The following NUP58 variants were observed in gnomAD, a reference collection of about 807,000 sequenced individuals.
The protein encoded by NUP58 is nucleoporin p58/p45.
Under a neutral mutation model 70.1 loss-of-function variants are expected in NUP58, and 17 were observed. The ratio of observed to expected loss-of-function variants is 0.24; its 90% confidence interval spans 0.17 to 0.36. NUP58 has a LOEUF of 0.36. NUP58 is among the 10% of genes least tolerant of loss of function. The pLI, the probability that NUP58 is intolerant of heterozygous loss-of-function variation, is 1.00. For missense variants in NUP58, 644 were observed against 701.5 expected (o/e 0.92, Z 0.93); for synonymous variants, 275 against 257.6 (o/e 1.07, Z -0.65).
chr13:25,330,857 T>C (rs2031577065), intron 12 of NUP58, among the ~76,000 whole-genome samples: 1 of 152,140 alleles, frequency 6.6e-6, no homozygotes, highest in African/African-American at 2.4e-5. Context: ...AACACCTTAT[T>C]TTAGCATGTG....
At chr13:25,307,750 A>G in intron 1 of NUP58, 56 bp from the exon 2 acceptor site, 1 of 1,568,312 alleles carries the variant, frequency 6.4e-7, no homozygotes. Context: ...TATTGGCTCT[A>G]GTAGACCTCC....
Position 25,305,143 on chromosome 13 carries a change from T to TTGTTTG in NUP58, c.108-2662_108-2661insGTTTGT, listed in dbSNP as rs1555253615. ...AAGATCTGTGGGGTTTTTTTTTTTT[T>TTGTTTG]TTTTTTTTTTTTTTTTTTGAGACAG... On this transcript the variant is annotated intron_variant, in intron 1 of 15. Transcript: ENST00000381736. Among the ~76,000 whole-genome samples, 71 of 10,302 alleles carry TTGTTTG rather than the reference T, an allele frequency of 6.9e-3. 2 individuals carry two copies. Among genetic ancestry groups the TTGTTTG allele is most frequent in the Non-Finnish European group, 0.029 (53 of 1,826 alleles). 6.8% of individuals were successfully genotyped at this position (10,302 alleles called of 152,430 possible).
At position 25,320,091 on chromosome 13, in the gene NUP58, C is replaced by G. The variant is rs146186239; in HGVS notation, c.711-439C>G. On this transcript the variant is annotated intron_variant, in intron 7 of 15. Coordinates refer to ENST00000381736, the MANE Select transcript of NUP58 (RefSeq NM_014089.4). The stretch of plus-strand genomic sequence containing the variant: ...TGAAGAACTAACTGAAGTTATTTTT[C>G]AAAAGTATTTTGAGCATCTCGTTGT... Among the ~76,000 whole-genome samples the G allele has an allele frequency of 3.6e-3, 546 of 152,070 alleles. 5 individuals carry two copies. Among genetic ancestry groups the G allele is most frequent in the Admixed American group, 0.011 (162 of 15,280 alleles).
intron 1 of NUP58, among the ~76,000 whole-genome samples, chr13:25,302,183 C>T (rs1056038934): frequency 2.6e-5 from 4 of 152,232 alleles, no homozygotes; most frequent in African/African-American, 7.2e-5. Flanking sequence ...TTGGGGTCTA[C>T]CCCGGAGCTT....
Position 25,307,896 on chromosome 13 carries a change from G to C in NUP58, c.198G>C (p.Gly66=), listed in dbSNP as rs750389703. ...CTCCTTCAAGTGGTTTTGGAACCGG[G>C]CTCTTTGGATCTAAACCTGCCACTG... ...TSAPSSGFGT[G]LFGSKPATGF... Residue 66 remains glycine (G), a synonymous_variant, in exon 2 of 16, where the codon GGG becomes GGC. Transcript: ENST00000381736. 4.4e-5 allele frequency: 71 copies of C among 1,614,096 alleles called. 1 individual carries two copies. In the South Asian group the frequency reaches 7.4e-4, roughly 17 times the overall value.
At chr13:25,345,567 C>G (rs1237036411), downstream of NUP58, among the ~76,000 whole-genome samples, 1 of 97,998 alleles carries the variant, frequency 1.0e-5, no homozygotes, top group Non-Finnish European at 2.1e-5. Context: ...ATCCCAGCAA[C>G]TGGATGATGG....
intron 13 of NUP58, chr13:25,333,526 A>G: frequency 3.0e-6 from 3 of 985,284 alleles, no homozygotes; most frequent in Non-Finnish European, 3.6e-6. Flanking sequence ...TTCGCTTTGA[A>G]TTGTATGAAT....
chr13:25,302,407 A>G (rs1439785821), intron 1 of NUP58, among the ~76,000 whole-genome samples: 1 of 152,202 alleles, frequency 6.6e-6, no homozygotes, highest in Non-Finnish European at 1.5e-5. Context: ...AAAAACAAAA[A>G]CACTTTTTTA....
At chr13:25,308,492 T>G (rs9553579) in intron 2 of NUP58, among the ~76,000 whole-genome samples, 3,967 of 151,252 alleles carry the variant, frequency 0.026, 120 homozygotes, top group East Asian at 0.17. Flanking sequence ...TTTTTTTACT[T>G]TTTTACTTTT....
chr13:25,343,417 G>A (rs1358035330), downstream of NUP58, among the ~76,000 whole-genome samples: 1 of 151,160 alleles, frequency 6.6e-6, no homozygotes, highest in Non-Finnish European at 1.5e-5. Context: ...TCTTCTCAGA[G>A]TAATAGTCTC....
chr13:25,341,691 C>T lies in NUP58; in HGVS notation c.*1557C>T, dbSNP rs1177643954. 6.6e-6 allele frequency: 1 copy of T among 152,546 alleles called. No individual in the cohort carries two copies. Among genetic ancestry groups the T allele is most frequent in the East Asian group, 1.9e-4 (1 of 5,198 alleles). 9.4% of individuals were successfully genotyped at this position (152,546 alleles called of 1,614,324 possible). ...GACATCAGGTGGATATAAAAGAAAA[C>T]CCTTGGAAAGAGAACTGCCTTAGCC... On this transcript the variant is annotated 3_prime_UTR_variant, in exon 16 of 16. Transcript: ENST00000381736.
chr13:25,306,670 A>G (rs2030378965), intron 1 of NUP58, among the ~76,000 whole-genome samples: 3 of 152,230 alleles, frequency 2.0e-5, no homozygotes, highest in African/African-American at 7.2e-5. Flanking sequence ...ATTATGCTGT[A>G]TAGTCTCCCT....
At chr13:25,345,263 A>G (rs1314515149), downstream of NUP58, among the ~76,000 whole-genome samples, 3 of 152,188 alleles carry the variant, frequency 2.0e-5, no homozygotes. Flanking sequence ...GTTTAATTCC[A>G]AAGCACAATA....
intron 8 of NUP58, 46 bp from the exon 9 acceptor site, chr13:25,320,873 A>G: frequency 8.0e-7 from 1 of 1,255,098 alleles, no homozygotes; most frequent in Non-Finnish European, 1.1e-6. Flanking sequence ...TGTGTAGGAA[A>G]CCAAAGATAC....
chr13:25,306,477 T>G (rs112104043), intron 1 of NUP58, among the ~76,000 whole-genome samples: 45 of 151,498 alleles, frequency 3.0e-4, no homozygotes, highest in Middle Eastern at 6.9e-3. Flanking sequence ...CTCAGAAAGG[T>G]TAAGTAATGG....
intron 1 of NUP58, among the ~76,000 whole-genome samples, chr13:25,306,939 A>G (rs9553578): frequency 0.13 from 20,167 of 152,132 alleles, 1,845 homozygotes; most frequent in South Asian, 0.33. Context: ...AACTTTTGCC[A>G]GGAAATGTCC....
chr13:25,307,357 C>T (rs1055523111), intron 1 of NUP58, among the ~76,000 whole-genome samples: 1 of 151,708 alleles, frequency 6.6e-6, no homozygotes, highest in East Asian at 1.9e-4. Context: ...GAATTACAGG[C>T]GTGTGCCACC....
At chr13:25,309,208 T>G in intron 2 of NUP58, 39 bp from the exon 3 acceptor site, 1 of 1,486,058 alleles carries the variant, frequency 6.7e-7, no homozygotes. Context: ...AATGTCATCT[T>G]CATTGATGAT....
At chr13:25,305,976 G>C (rs2030334562) in intron 1 of NUP58, among the ~76,000 whole-genome samples, 1 of 152,024 alleles carries the variant, frequency 6.6e-6, no homozygotes, top group African/African-American at 2.4e-5. Flanking sequence ...ACATCTTTCT[G>C]CTCCCTTGCT....
Sources: allele counts gnomAD v4.1 joint callset (sites outside exome capture counted in the v4.1 genomes callset), GRCh38; gene constraint gnomAD v4.1.1; transcripts MANE v1.5; gene names NCBI Gene and HGNC (gene_info 2026-07-23, HGNC 2026-07-21).